The following FBXL17 variants were observed in gnomAD, a reference collection of about 807,000 sequenced individuals.
The protein encoded by FBXL17 is F-box/LRR-repeat protein 17.
A neutral mutation model predicts 66.2 loss-of-function variants in FBXL17; 22 were observed. The ratio of observed to expected loss-of-function variants is 0.33; its 90% CI spans 0.24 to 0.47. The LOEUF (loss-of-function observed/expected upper bound fraction) is 0.47. FBXL17 is among the 20% of genes least tolerant of loss of function. The probability of loss-of-function intolerance (pLI) is 1.00; values close to 1 mark genes in which losing one functional copy is unlikely to be tolerated. For missense variants in FBXL17, 878 were observed against 948.2 expected, an observed-to-expected ratio of 0.93 and a Z score of 0.97; for synonymous variants, 474 against 400.5, an observed-to-expected ratio of 1.18 and a Z score of -2.19.
At chr5:108,023,497 T>A (rs1310093313) in intron 6 of FBXL17, among the ~76,000 whole-genome samples, 1 of 152,148 alleles carries the variant, frequency 6.6e-6, no homozygotes, top group Non-Finnish European at 1.5e-5. Context: ...CCGGCTAGTG[T>A]CTAAAGTCTC....
intron 7 of FBXL17, among the ~76,000 whole-genome samples, chr5:107,931,686 T>G (rs563639367): frequency 6.6e-6 from 1 of 152,320 alleles, no homozygotes; most frequent in South Asian, 2.1e-4. Flanking sequence ...TAGAATATGT[T>G]TAATTTCTGT....
intron 8 of FBXL17, among the ~76,000 whole-genome samples, chr5:107,872,883 T>A (rs1334626292): frequency 1.3e-5 from 2 of 152,230 alleles, no homozygotes; most frequent in African/African-American, 4.8e-5. Context: ...GCAGCAAAGC[T>A]GGCAGTCTGG....
intron 6 of FBXL17, among the ~76,000 whole-genome samples, chr5:108,115,854 A>C (rs1443397582): frequency 6.6e-6 from 1 of 152,192 alleles, no homozygotes; most frequent in Non-Finnish European, 1.5e-5. Context: ...GCAGACAGGT[A>C]AGATATTCAT....
intron 4 of FBXL17, among the ~76,000 whole-genome samples, chr5:108,294,345 CA>C (rs1239724286): frequency 6.7e-6 from 1 of 149,522 alleles, no homozygotes; most frequent in Non-Finnish European, 1.5e-5. Flanking sequence ...GGCTCTAACC[CA>C]AAAAAGGATG....
At chr5:108,225,101 C>T (rs1485524137) in intron 4 of FBXL17, among the ~76,000 whole-genome samples, 1 of 152,168 alleles carries the variant, frequency 6.6e-6, no homozygotes, top group African/African-American at 2.4e-5. Context: ...CTATTTCCCA[C>T]TACCTCCAAG....
At chr5:108,011,761 T>C (rs1580325672) in intron 7 of FBXL17, among the ~76,000 whole-genome samples, 1 of 151,682 alleles carries the variant, frequency 6.6e-6, no homozygotes, top group Admixed American at 6.6e-5. Context: ...GAGGTGGAGG[T>C]CGCAGTGAGT....
chr5:108,361,206 T>C (rs1166397486), intron 3 of FBXL17, among the ~76,000 whole-genome samples: 1 of 152,182 alleles, frequency 6.6e-6, no homozygotes, highest in Non-Finnish European at 1.5e-5. Flanking sequence ...GATTATAATG[T>C]GGTAACTTGG....
chr5:108,112,812 A>G (rs1750090602), intron 6 of FBXL17, among the ~76,000 whole-genome samples: 1 of 118,214 alleles, frequency 8.5e-6, no homozygotes, highest in Non-Finnish European at 2.1e-5. Context: ...CTTCAAGGTC[A>G]AAATATTATA....
At chr5:108,107,226 C>T (rs569050000) in intron 6 of FBXL17, among the ~76,000 whole-genome samples, 116 of 152,216 alleles carry the variant, frequency 7.6e-4, no homozygotes, top group African/African-American at 2.6e-3. Flanking sequence ...CATGTGCCAC[C>T]ACGCCTGGCT....
intron 6 of FBXL17, among the ~76,000 whole-genome samples, chr5:108,058,163 A>C (rs1292766866): frequency 6.6e-6 from 1 of 152,206 alleles, no homozygotes; most frequent in East Asian, 1.9e-4. Flanking sequence ...TTACTTAGCT[A>C]ATTCTTCACA....
At chr5:108,287,713 C>T (rs970696184) in intron 4 of FBXL17, among the ~76,000 whole-genome samples, 3 of 152,020 alleles carry the variant, frequency 2.0e-5, no homozygotes, top group African/African-American at 7.2e-5. Flanking sequence ...GTGGTGATTT[C>T]TCAAAAGACT....
chr5:108,256,981 T>A (rs1756603026), intron 4 of FBXL17, among the ~76,000 whole-genome samples: 1 of 152,134 alleles, frequency 6.6e-6, no homozygotes, highest in South Asian at 2.1e-4. Flanking sequence ...ACTTTAGCAT[T>A]TTCAGGAGCA....
chr5:107,978,762 G>C (rs1445502745), intron 7 of FBXL17, among the ~76,000 whole-genome samples: 7 of 152,172 alleles, frequency 4.6e-5, no homozygotes, highest in African/African-American at 1.4e-4. Context: ...CAAGCCTTCG[G>C]AGAGACTGGC....
chr5:108,139,673 A>G (rs1751278390), intron 6 of FBXL17, among the ~76,000 whole-genome samples: 1 of 152,196 alleles, frequency 6.6e-6, no homozygotes, highest in Non-Finnish European at 1.5e-5. Context: ...ATTGGCTTCA[A>G]AGAATAATGA....
chr5:108,226,789 G>C (rs1439740196), intron 4 of FBXL17, among the ~76,000 whole-genome samples: 3 of 152,154 alleles, frequency 2.0e-5, no homozygotes, highest in African/African-American at 4.8e-5. Flanking sequence ...CTCTCTGCCT[G>C]ACTATCTTCC....
At chr5:108,051,887 G>A (rs937379552) in intron 6 of FBXL17, among the ~76,000 whole-genome samples, 1 of 151,986 alleles carries the variant, frequency 6.6e-6, no homozygotes, top group Non-Finnish European at 1.5e-5. Context: ...GAGGCGGGCG[G>A]ATCATGAGGT....
At chr5:108,191,334 A>C (rs1009868745) in intron 5 of FBXL17, among the ~76,000 whole-genome samples, 5 of 152,306 alleles carry the variant, frequency 3.3e-5, no homozygotes, top group Middle Eastern at 3.4e-3. Flanking sequence ...TTGTAATGTT[A>C]TCTCTCCATC....
At chr5:108,342,574 G>T (rs573939355) in intron 4 of FBXL17, among the ~76,000 whole-genome samples, 76 of 152,250 alleles carry the variant, frequency 5.0e-4, no homozygotes, top group African/African-American at 1.7e-3. Context: ...AAACGTGTGT[G>T]GATTAGCATT....
chr5:108,353,212 C>T (rs955181611), intron 3 of FBXL17, among the ~76,000 whole-genome samples: 1 of 152,062 alleles, frequency 6.6e-6, no homozygotes, highest in African/African-American at 2.4e-5. Flanking sequence ...TTTTTAGATC[C>T]ATCAGAGAAA....
Sources: allele counts gnomAD v4.1 joint callset (sites outside exome capture counted in the v4.1 genomes callset), GRCh38; gene constraint gnomAD v4.1.1; transcripts MANE v1.5; gene names NCBI Gene and HGNC (gene_info 2026-07-23, HGNC 2026-07-21).